Variants in QRSL1 observed in about 807,000 individuals in gnomAD.
QRSL1 encodes the protein glutamyl-tRNA(Gln) amidotransferase subunit A, mitochondrial.
In QRSL1, 54 loss-of-function variants were observed where a neutral mutation model predicts 61.6. The ratio of observed to expected loss-of-function variants is 0.88; its 90% CI spans 0.70 to 1.10. The LOEUF (loss-of-function observed/expected upper bound fraction) is 1.10. Ranked by LOEUF, QRSL1 falls within the 50% of genes least tolerant of loss-of-function variation. The probability of loss-of-function intolerance (pLI) is 0.00; values close to 1 mark genes in which losing one functional copy is unlikely to be tolerated. For synonymous variants in QRSL1, 228 were observed against 225.7 expected (o/e 1.01, Z -0.09); for missense variants, 505 against 622.6 (o/e 0.81, Z 2.01).
At chr6:106,631,813 C>T (rs1776838490) in intron 1 of QRSL1, among the ~76,000 whole-genome samples, 1 of 152,156 alleles carries the variant, frequency 6.6e-6, no homozygotes, top group Non-Finnish European at 1.5e-5. Context: ...GTGTTACAAA[C>T]GTTCCAGTTA....
At chr6:106,649,262 G>A in intron 5 of QRSL1, 61 bp downstream of exon 5, 1 of 1,541,640 alleles carries the variant, frequency 6.5e-7, no homozygotes, top group African/African-American at 1.4e-5. Context: ...GTCATAAACT[G>A]TATCCAGCAA....
At chr6:106,646,333 T>C (rs1263623045) in intron 4 of QRSL1, among the ~76,000 whole-genome samples, 2 of 152,140 alleles carry the variant, frequency 1.3e-5, no homozygotes, top group East Asian at 3.8e-4. Flanking sequence ...ATCACCTATG[T>C]AATATTCCAG....
intron 4 of QRSL1, among the ~76,000 whole-genome samples, chr6:106,643,957 C>T (rs546509559): frequency 2.8e-4 from 42 of 151,456 alleles, no homozygotes; most frequent in Non-Finnish European, 4.9e-4. Context: ...CTGCAGCCTC[C>T]GCCTCCCAGC....
intron 10 of QRSL1, 48 bp from the exon 11 acceptor site, chr6:106,665,734 A>C: frequency 6.6e-7 from 1 of 1,518,132 alleles, no homozygotes. Flanking sequence ...GGTCTCTGCT[A>C]ATTAGGGTGG....
chr6:106,653,389 C>T (rs1777215817), intron 7 of QRSL1: 3 of 152,092 alleles, frequency 2.0e-5, no homozygotes, highest in Non-Finnish European at 4.4e-5. Context: ...AGTAGTACCC[C>T]ACCACCAAAA....
intron 1 of QRSL1, among the ~76,000 whole-genome samples, chr6:106,639,327 T>C (rs1007589919): frequency 1.3e-5 from 2 of 152,058 alleles, no homozygotes; most frequent in African/African-American, 4.8e-5. Context: ...AGTTTCACCA[T>C]GTTGGCCAGG....
At chr6:106,665,156 C>A (rs986570609) in intron 10 of QRSL1, among the ~76,000 whole-genome samples, 1 of 152,102 alleles carries the variant, frequency 6.6e-6, no homozygotes, top group Non-Finnish European at 1.5e-5. Context: ...TTTTTGAAAA[C>A]TTGTTTTATT....
Position 106,667,482 on chromosome 6 carries a change from A to C in QRSL1, c.*1480A>C, listed in dbSNP as rs531752856. 1 of 152,200 alleles carries C rather than the reference A, an allele frequency of 6.6e-6. No homozygotes were observed. Among genetic ancestry groups the C allele is most frequent in the Non-Finnish European group, 1.5e-5 (1 of 68,034 alleles). The allele number at this position is 152,200 out of a possible 1,614,324, so 9.4% of individuals were successfully genotyped here. ...TCAGGTATTTTAATCTAGCACTTAC[A>C]TATTGTTGATAAATGAAAGCTGAAT... is the stretch of plus-strand genomic sequence containing the variant. On this transcript the variant is annotated 3_prime_UTR_variant, in exon 11 of 11. Transcript: ENST00000369046.
At chr6:106,646,897 G>A (rs1448965998) in intron 4 of QRSL1, among the ~76,000 whole-genome samples, 2 of 151,544 alleles carry the variant, frequency 1.3e-5, no homozygotes, top group East Asian at 3.9e-4. Context: ...GCGTGGTGGC[G>A]AGCGCCTGTA....
intron 1 of QRSL1, among the ~76,000 whole-genome samples, chr6:106,632,909 G>A (rs1042591490): frequency 6.6e-6 from 1 of 152,192 alleles, no homozygotes; most frequent in African/African-American, 2.4e-5. Context: ...ATTCATGCGT[G>A]AGAACCCTCT....
intron 4 of QRSL1, among the ~76,000 whole-genome samples, chr6:106,644,228 GTTTCCCAGGC>G (rs1777072252): frequency 6.6e-6 from 1 of 152,074 alleles, no homozygotes; most frequent in Non-Finnish European, 1.5e-5. Flanking sequence ...GTCTCACTGG[GTTTCCCAGGC>G]TGATCTCAAA....
intron 9 of QRSL1, among the ~76,000 whole-genome samples, chr6:106,659,236 G>A (rs3121449): frequency 0.34 from 51,369 of 151,904 alleles, 9,297 homozygotes; most frequent in Non-Finnish European, 0.41. Flanking sequence ...AGGCCAAGGC[G>A]GGTGGATAAC....
intron 4 of QRSL1, among the ~76,000 whole-genome samples, chr6:106,644,700 A>G (rs1024333353): frequency 2.0e-5 from 3 of 151,568 alleles, no homozygotes; most frequent in African/African-American, 7.3e-5. Flanking sequence ...TTGTATTTTT[A>G]GTAGAGATGG....
At chr6:106,662,813 A>G (rs892251429) in intron 9 of QRSL1, among the ~76,000 whole-genome samples, 167 bp from the exon 10 acceptor site, 14 of 152,122 alleles carry the variant, frequency 9.2e-5, no homozygotes, top group African/African-American at 3.4e-4. Flanking sequence ...ACGCCCCACC[A>G]CTGGGGAGCC....
chr6:106,630,022 G>A (rs1256212976), intron 1 of QRSL1, among the ~76,000 whole-genome samples: 5 of 152,164 alleles, frequency 3.3e-5, no homozygotes, highest in Admixed American at 2.6e-4. Context: ...GGCTTGCGGG[G>A]CCACTTCAGT....
intron 1 of QRSL1, among the ~76,000 whole-genome samples, chr6:106,638,596 G>T (rs1776960176): frequency 6.6e-6 from 1 of 152,208 alleles, no homozygotes; most frequent in African/African-American, 2.4e-5. Context: ...GAACCACTGT[G>T]CCTGGCCAAG....
intron 1 of QRSL1, among the ~76,000 whole-genome samples, chr6:106,631,644 G>T (rs1317172979): frequency 6.6e-6 from 1 of 150,394 alleles, no homozygotes; most frequent in Non-Finnish European, 1.5e-5. Context: ...TGTGTTTTTT[G>T]CAGTCTTATG....
Position 106,640,853 on chromosome 6 carries a change from C to T in QRSL1, c.215C>T (p.Pro72Leu). The T allele has an allele frequency of 6.2e-7, 1 of 1,613,582 alleles. No homozygotes were observed. The highest frequency in any genetic ancestry group is 8.5e-7 in the Non-Finnish European group (1 of 1,179,788). ...TCACTTGGGGATTTAGATGGAATTCCTATTGCAGTAAAAGACAATTTCAGC... is the reference window on the plus strand; with the variant it reads ...TCACTTGGGGATTTAGATGGAATTCTTATTGCAGTAAAAGACAATTTCAGC... ...GQSLGDLDGI[P>L]IAVKDNFSTS... is the part of the protein sequence containing the mutation. Residue 72 changes from proline to leucine, a missense_variant, in exon 3 of 11, where the codon CCT (proline) becomes CTT (leucine). Pro to Leu is a moderately conservative substitution (Grantham distance 98). Coordinates refer to ENST00000369046, the MANE Select transcript of QRSL1 (RefSeq NM_018292.5).
At chr6:106,632,091 C>G (rs1471837248) in intron 1 of QRSL1, among the ~76,000 whole-genome samples, 1 of 152,188 alleles carries the variant, frequency 6.6e-6, no homozygotes, top group African/African-American at 2.4e-5. Context: ...GCTTATTTCA[C>G]TTAACATAAT....
Sources: allele counts gnomAD v4.1 joint callset (sites outside exome capture counted in the v4.1 genomes callset), GRCh38; gene constraint gnomAD v4.1.1; transcripts MANE v1.5; gene names NCBI Gene and HGNC (gene_info 2026-07-23, HGNC 2026-07-21).